Variants in EEFSEC observed in about 807,000 individuals in gnomAD.
EEFSEC encodes selenocysteine-specific elongation factor.
EEFSEC carries 43 observed loss-of-function variants against 42.1 expected under a neutral mutation model. The observed-to-expected ratio is 1.02, with a 90% CI of 0.80 to 1.32. The LOEUF (loss-of-function observed/expected upper bound fraction) is 1.32. Ranked by LOEUF, EEFSEC falls within the 40% of genes most tolerant of loss-of-function variation. The pLI is 0.00. For synonymous variants in EEFSEC, 354 were observed against 339.1 expected, an observed-to-expected ratio of 1.04 and a Z score of -0.48; for missense variants, 745 against 803.6, an observed-to-expected ratio of 0.93 and a Z score of 0.88.
At chr3:128,242,268 A>G (rs113665683) in intron 1 of EEFSEC, among the ~76,000 whole-genome samples, 3 of 152,178 alleles carry the variant, frequency 2.0e-5, no homozygotes, top group African/African-American at 4.8e-5. Context: ...GCAGTGAGCT[A>G]TGATTGCACC....
chr3:128,264,940 C>T (rs1331484262), intron 4 of EEFSEC, among the ~76,000 whole-genome samples, 159 bp downstream of exon 4: 5 of 152,172 alleles, frequency 3.3e-5, no homozygotes, highest in South Asian at 4.1e-4. Flanking sequence ...TGGCCCCGCC[C>T]GGCTCCAAGT....
chr3:128,288,420 G>C (rs1230500353), intron 4 of EEFSEC, among the ~76,000 whole-genome samples: 1 of 152,158 alleles, frequency 6.6e-6, no homozygotes, highest in Non-Finnish European at 1.5e-5. Context: ...AAAAGCCTGA[G>C]TTCCTGCCTT....
chr3:128,404,311 G>A (rs1476094928), intron 6 of EEFSEC, among the ~76,000 whole-genome samples: 6 of 152,238 alleles, frequency 3.9e-5, no homozygotes, highest in Non-Finnish European at 7.3e-5. Context: ...GACCATCTCA[G>A]GAGAGCAATT....
Position 128,202,291 on chromosome 3 carries a change from ACT to A in EEFSEC, c.317-44542_317-44541del, listed in dbSNP as rs1439418030. 7.9e-5 allele frequency among the ~76,000 whole-genome samples: 12 copies of A among 152,278 alleles called. No individual in the cohort carries two copies. The South Asian group carries it at 2.1e-3, about 26-fold the overall frequency. On this transcript the variant is annotated intron_variant, in intron 1 of 6. Coordinates refer to ENST00000254730, the MANE Select transcript of EEFSEC (RefSeq NM_021937.5). ...CTATAGCTCAATCGAGGGAAAACTGACTCTTAACAATATTGAGTTTTCCAATC... is the reference window on the plus strand; with the variant it reads ...CTATAGCTCAATCGAGGGAAAACTGACTTAACAATATTGAGTTTTCCAATC...
intron 1 of EEFSEC, among the ~76,000 whole-genome samples, chr3:128,169,451 T>C (rs564415839): frequency 2.0e-5 from 3 of 152,302 alleles, no homozygotes; most frequent in African/African-American, 7.2e-5. Context: ...GCACATCCTA[T>C]CATTCTGAAA....
intron 1 of EEFSEC, among the ~76,000 whole-genome samples, chr3:128,222,576 C>T (rs2065871784): frequency 6.6e-6 from 1 of 152,112 alleles, no homozygotes; most frequent in African/African-American, 2.4e-5. Flanking sequence ...TGTTTAATGG[C>T]TCTGTATTAT....
intron 6 of EEFSEC, among the ~76,000 whole-genome samples, chr3:128,390,522 T>TG (rs376147416): frequency 2.0e-5 from 3 of 152,248 alleles, no homozygotes; most frequent in African/African-American, 7.2e-5. Flanking sequence ...GAATGTTAGT[T>TG]GCTTTGGGCT....
At chr3:128,170,828 T>C (rs775099262) in intron 1 of EEFSEC, among the ~76,000 whole-genome samples, 2 of 152,272 alleles carry the variant, frequency 1.3e-5, no homozygotes, top group African/African-American at 2.4e-5. Context: ...AAACTTGTTA[T>C]GGCAACCAAT....
intron 1 of EEFSEC, among the ~76,000 whole-genome samples, chr3:128,170,217 C>T (rs369736564): frequency 1.2e-4 from 19 of 152,182 alleles, no homozygotes; most frequent in African/African-American, 4.3e-4. Context: ...TATTTTTCTG[C>T]TGTTGATTTT....
At chr3:128,407,968 G>A (rs2107642449) in intron 6 of EEFSEC, 101 bp from the exon 7 acceptor site, 2 of 1,153,196 alleles carry the variant, frequency 1.7e-6, no homozygotes, top group Middle Eastern at 2.8e-4. Context: ...GCTAGGGAGG[G>A]AGGCAGAAGA....
At chr3:128,225,984 G>T (rs948412102) in intron 1 of EEFSEC, among the ~76,000 whole-genome samples, 1 of 152,164 alleles carries the variant, frequency 6.6e-6, no homozygotes, top group African/African-American at 2.4e-5. Flanking sequence ...CAGTTGAAGA[G>T]ACTCAGTTCA....
intron 6 of EEFSEC, among the ~76,000 whole-genome samples, chr3:128,359,032 A>C (rs1026195582): frequency 3.9e-5 from 6 of 152,206 alleles, no homozygotes; most frequent in African/African-American, 1.4e-4. Flanking sequence ...AGGAAGGTAC[A>C]AACAATAAAC....
At chr3:128,187,643 G>T (rs1301327409) in intron 1 of EEFSEC, among the ~76,000 whole-genome samples, 1 of 152,204 alleles carries the variant, frequency 6.6e-6, no homozygotes, top group Non-Finnish European at 1.5e-5. Flanking sequence ...ATAAAAGGTG[G>T]CCCTGCCCCT....
intron 6 of EEFSEC, among the ~76,000 whole-genome samples, chr3:128,371,621 G>A (rs1057033445): frequency 6.6e-6 from 1 of 152,148 alleles, no homozygotes; most frequent in African/African-American, 2.4e-5. Context: ...AAGGCCTGAG[G>A]CTGGACAGTG....
chr3:128,157,471 T>A lies in EEFSEC; in HGVS notation c.316+3648T>A, dbSNP rs188086639. Among the ~76,000 whole-genome samples the A allele has an allele frequency of 1.1e-3, 168 of 152,340 alleles. 1 individual carries two copies. The South Asian group carries it at 0.012, about 11-fold the overall frequency. Reference sequence around the variant, plus strand: ...TAGGACTTTCATAGCTACAGAGAAGTCAATGACTGGGTACAAAGCTTCAAA... The same window carrying A: ...TAGGACTTTCATAGCTACAGAGAAGACAATGACTGGGTACAAAGCTTCAAA... On this transcript the variant is annotated intron_variant, in intron 1 of 6. Transcript: ENST00000254730.
chr3:128,182,869 C>A (rs2065423273), intron 1 of EEFSEC, among the ~76,000 whole-genome samples: 1 of 104,564 alleles, frequency 9.6e-6, no homozygotes, highest in South Asian at 3.4e-4. Flanking sequence ...TCCCACCAGC[C>A]ACAGAGATCG....
rs972075769 is a variant in EEFSEC at position 128,408,115 on chromosome 3, G to T, written c.1647G>T (p.Lys549Asn). 6.2e-6 allele frequency: 10 copies of T among 1,606,514 alleles called. No individual in the cohort carries two copies. The highest frequency in any genetic ancestry group is 8.5e-6 in the Non-Finnish European group (10 of 1,176,386). ...ESKKILTPALKKRARAGRGEA... is the reference protein window; with the variant it reads ...ESKKILTPALNKRARAGRGEA... ...AGAAGATCCTGACACCCGCCCTCAA[G>T]AAGCGGGCCCGGGCTGGCCGTGGGG... is the stretch of plus-strand genomic sequence containing the variant. The change falls in exon 7 of 7, where the codon AAG (lysine) becomes AAT (asparagine). Residue 549 changes from lysine to asparagine, a missense_variant. Lys to Asn is a moderately conservative substitution (Grantham distance 94). Coordinates refer to ENST00000254730, the MANE Select transcript of EEFSEC (RefSeq NM_021937.5).
At chr3:128,355,075 T>C (rs2067435346) in intron 5 of EEFSEC, among the ~76,000 whole-genome samples, 1 of 152,198 alleles carries the variant, frequency 6.6e-6, no homozygotes, top group Non-Finnish European at 1.5e-5. Flanking sequence ...CCTCCCGGCG[T>C]CTTCCCCTTG....
In EEFSEC at chr3:128,295,206, G is replaced by A. The variant is rs561163883; in HGVS notation, c.786+30425G>A. Among the ~76,000 whole-genome samples, 35 of 152,328 alleles carry A rather than the reference G, an allele frequency of 2.3e-4. 2 individuals carry two copies. Among genetic ancestry groups the A allele is most frequent in the Admixed American group, 2.0e-3 (30 of 15,304 alleles). ...TTCTACTCAACACTGGCAGCAGTGC[G>A]ATGTCCCCTCAGCCCTGCCTTTGGT... On this transcript the variant is annotated intron_variant, in intron 4 of 6. Coordinates refer to ENST00000254730, the MANE Select transcript of EEFSEC (RefSeq NM_021937.5).
Sources: allele counts gnomAD v4.1 joint callset (sites outside exome capture counted in the v4.1 genomes callset), GRCh38; gene constraint gnomAD v4.1.1; transcripts MANE v1.5; gene names NCBI Gene and HGNC (gene_info 2026-07-23, HGNC 2026-07-21).